GRK3: variants seen among roughly 807,000 people sequenced by gnomAD.
GRK3 encodes the protein adrenergic, beta, receptor kinase 2.
Under a neutral mutation model 95.7 loss-of-function variants are expected in GRK3, and 54 were observed. The observed-to-expected ratio is 0.56, with a 90% CI of 0.45 to 0.71. GRK3 has a LOEUF of 0.71. Ranked by LOEUF, GRK3 falls within the 30% of genes least tolerant of loss-of-function variation. The pLI, the probability that GRK3 is intolerant of heterozygous loss-of-function variation, is 0.00. For missense variants in GRK3, 649 were observed against 851.2 expected (o/e 0.76, Z 2.96); for synonymous variants, 281 against 290.8 (o/e 0.97, Z 0.34).
At chr22:25,709,714 A>T (rs1181803490) in intron 15 of GRK3, among the ~76,000 whole-genome samples, 184 bp from the exon 16 acceptor site, 1 of 152,200 alleles carries the variant, frequency 6.6e-6, no homozygotes, top group Admixed American at 6.5e-5. Flanking sequence ...CAGGCGCTGC[A>T]TGCAGTATTC....
rs3827376 is a variant in GRK3, at chr22:25,728,158, A to G, written c.*5708A>G. On this transcript the variant is annotated 3_prime_UTR_variant, in exon 21 of 21. Transcript: ENST00000324198. ...CCTGTTCTTAATACAATAAAATTGA[A>G]ATAATGCACCTAGTAATGTGGCCGA... is the stretch of plus-strand genomic sequence containing the variant. 6.6e-6 allele frequency: 1 copy of G among 152,264 alleles called. No homozygotes were observed. Among genetic ancestry groups the G allele is most frequent in the African/African-American group, 2.4e-5 (1 of 41,470 alleles). The allele number at this position is 152,264 out of a possible 1,614,324, so 9.4% of individuals were successfully genotyped here. A position where few individuals can be genotyped will look rare whatever the true frequency, so the allele number is the denominator to read the frequency against.
chr22:25,575,567 A>T (rs935152258), intron 1 of GRK3, among the ~76,000 whole-genome samples: 3 of 152,190 alleles, frequency 2.0e-5, no homozygotes, highest in African/African-American at 7.2e-5. Context: ...TTTCGTGTTT[A>T]TTACAGTGGA....
chr22:25,714,123 T>C (rs1029606955), intron 17 of GRK3, among the ~76,000 whole-genome samples: 4 of 152,218 alleles, frequency 2.6e-5, no homozygotes, highest in African/African-American at 9.6e-5. Context: ...TGAGTTTTCG[T>C]TGGCAAAACA....
Position 25,568,906 on chromosome 22 carries a change from A to G in GRK3, c.113+3753A>G, listed in dbSNP as rs150572023. The stretch of plus-strand genomic sequence containing the variant: ...TGTTAGTGATTACCTTTGAAGAACT[A>G]TCTAAACATAGTCTCCATGGTGATA... On this transcript the variant is annotated intron_variant, in intron 1 of 20. Coordinates refer to ENST00000324198, the MANE Select transcript of GRK3 (RefSeq NM_005160.4). Among the ~76,000 whole-genome samples, 722 of 152,378 alleles carry G rather than the reference A, an allele frequency of 4.7e-3. 9 individuals are homozygous for G. Among genetic ancestry groups the G allele is most frequent in the African/African-American group, 0.016 (681 of 41,586 alleles).
At chr22:25,701,477 T>C (rs2085258432) in intron 13 of GRK3, among the ~76,000 whole-genome samples, 1 of 152,250 alleles carries the variant, frequency 6.6e-6, no homozygotes, top group African/African-American at 2.4e-5. Context: ...TAATTTCTCA[T>C]TGAGCCGGAC....
intron 11 of GRK3, among the ~76,000 whole-genome samples, chr22:25,688,220 A>G (rs1433026925): frequency 5.0e-5 from 7 of 141,090 alleles, no homozygotes; most frequent in African/African-American, 1.6e-4. Context: ...TGGACAACAG[A>G]GCAAGACTCT....
chr22:25,688,607 C>G (rs182318869), intron 11 of GRK3, among the ~76,000 whole-genome samples: 5 of 152,138 alleles, frequency 3.3e-5, no homozygotes, highest in Non-Finnish European at 5.9e-5. Flanking sequence ...CTGCTGTGCC[C>G]GAGTTTCTGT....
intron 1 of GRK3, among the ~76,000 whole-genome samples, chr22:25,570,495 T>C (rs1931656775): frequency 6.6e-6 from 1 of 152,216 alleles, no homozygotes; most frequent in South Asian, 2.1e-4. Context: ...GCAATAAAAA[T>C]CACTTTCTCA....
intron 2 of GRK3, among the ~76,000 whole-genome samples, chr22:25,620,378 G>C (rs2084575573): frequency 6.6e-6 from 1 of 152,150 alleles, no homozygotes; most frequent in Non-Finnish European, 1.5e-5. Context: ...AGGTTGCCAG[G>C]AACATGTTGG....
intron 13 of GRK3, among the ~76,000 whole-genome samples, chr22:25,701,877 G>A (rs1372782265): frequency 6.6e-6 from 1 of 152,052 alleles, no homozygotes; most frequent in Non-Finnish European, 1.5e-5. Context: ...CCTCAAACAT[G>A]TTAATATTTC....
At chr22:25,626,093 A>G (rs943843058) in intron 2 of GRK3, among the ~76,000 whole-genome samples, 6 of 152,168 alleles carry the variant, frequency 3.9e-5, no homozygotes, top group African/African-American at 1.2e-4. Context: ...GTCGCCGCAC[A>G]TGGGGAGAGA....
chr22:25,682,533 G>A (rs2085082822), intron 9 of GRK3, among the ~76,000 whole-genome samples: 2 of 152,054 alleles, frequency 1.3e-5, no homozygotes, highest in African/African-American at 4.8e-5. Context: ...TGCAAATTCT[G>A]TTTACAGATT....
intron 2 of GRK3, among the ~76,000 whole-genome samples, chr22:25,610,765 T>C (rs1485406809): frequency 2.0e-5 from 3 of 152,260 alleles, no homozygotes; most frequent in African/African-American, 7.2e-5. Flanking sequence ...TAACTTAGCA[T>C]AAGGTTTCTG....
chr22:25,627,899 A>T (rs1234474686), intron 2 of GRK3, among the ~76,000 whole-genome samples: 1 of 152,216 alleles, frequency 6.6e-6, no homozygotes, highest in East Asian at 1.9e-4. Context: ...ACTCACATGG[A>T]TCTGACCAAG....
intron 2 of GRK3, among the ~76,000 whole-genome samples, chr22:25,614,229 G>A (rs533478121): frequency 6.6e-6 from 1 of 152,236 alleles, no homozygotes; most frequent in East Asian, 1.9e-4. Context: ...CTGGGCTCAA[G>A]CAGTCCTCCT....
At chr22:25,618,084 T>TC (rs2084553764) in intron 2 of GRK3, among the ~76,000 whole-genome samples, 1 of 152,242 alleles carries the variant, frequency 6.6e-6, no homozygotes, top group African/African-American at 2.4e-5. Flanking sequence ...GGATTTTGTT[T>TC]CTTTTTTTTG....
intron 2 of GRK3, among the ~76,000 whole-genome samples, chr22:25,618,875 G>C (rs1367063794): frequency 2.0e-5 from 3 of 152,100 alleles, no homozygotes; most frequent in African/African-American, 4.8e-5. Flanking sequence ...TCTAGGCCAA[G>C]AGCCAGCTCA....
At chr22:25,620,007 TGTG>T (rs1569166746) in intron 2 of GRK3, among the ~76,000 whole-genome samples, 1 of 34,538 alleles carries the variant, frequency 2.9e-5, no homozygotes, top group East Asian at 5.7e-4. Context: ...TTGTCTTTTT[TGTG>T]TGTGTGTGTG....
At chr22:25,705,385 G>A (rs1259290424) in intron 15 of GRK3, among the ~76,000 whole-genome samples, 4 of 152,012 alleles carry the variant, frequency 2.6e-5, no homozygotes, top group Admixed American at 2.0e-4. Context: ...GTTCTTTCAT[G>A]TTAATTTTTA....
Sources: allele counts gnomAD v4.1 joint callset (sites outside exome capture counted in the v4.1 genomes callset), GRCh38; gene constraint gnomAD v4.1.1; transcripts MANE v1.5; gene names NCBI Gene and HGNC (gene_info 2026-07-23, HGNC 2026-07-21).